The following PAQR6 variants were observed in gnomAD, a reference collection of about 807,000 sequenced individuals.
PAQR6 encodes progestin and adipoQ receptor family member 6.
A neutral mutation model predicts 36.2 loss-of-function variants in PAQR6; 34 were observed. The ratio of observed to expected loss-of-function variants is 0.94; its 90% confidence interval spans 0.71 to 1.25. The LOEUF (loss-of-function observed/expected upper bound fraction) is 1.25, where lower values mean the gene tolerates loss of function less well. Among genes scored for constraint, PAQR6 ranks in the 50% most tolerant of loss-of-function variants. The pLI is 0.00. For synonymous variants in PAQR6, 190 were observed against 190.7 expected (o/e 1.00, Z 0.03); for missense variants, 431 against 445.7 (o/e 0.97, Z 0.30).
chr1:156,246,742 TA>T lies in PAQR6; in HGVS notation c.-12del, dbSNP rs758104506. ...CTTGAGACTGAGCATGGTGGCCTGG[TA>T]CCTCCACGTTGACCTAGAGACAGAG... On this transcript the variant is annotated 5_prime_UTR_variant, in exon 2 of 8. Transcript: ENST00000292291. The T allele has an allele frequency of 6.2e-7, 1 of 1,613,532 alleles. No individual in the cohort carries two copies. The highest frequency in any genetic ancestry group is 8.5e-7 in the Non-Finnish European group (1 of 1,179,794).
Position 156,243,738 on chromosome 1 carries a change from A to T in PAQR6, c.*391T>A. 8.2e-7 allele frequency: 1 copy of T among 1,224,632 alleles called. No homozygotes were observed. Among genetic ancestry groups the T allele is most frequent in the Non-Finnish European group, 1.1e-6 (1 of 886,002 alleles). 75.9% of individuals were successfully genotyped at this position (1,224,632 alleles called of 1,614,324 possible). On this transcript the variant is annotated 3_prime_UTR_variant, in exon 8 of 8. Transcript: ENST00000292291. The stretch of plus-strand genomic sequence containing the variant: ...AGCAAGAAGCATTCAGGGTAGGCCT[A>T]GGTTAGTCGTGTTAGTTCTTCCCTG...
At position 156,245,995 on chromosome 1, in the gene PAQR6, G is replaced by C; in HGVS notation, c.180-8C>G. 4 of 1,557,526 alleles carry C rather than the reference G, an allele frequency of 2.6e-6. No individual in the cohort carries two copies. The highest frequency in any genetic ancestry group is 3.5e-6 in the Non-Finnish European group (4 of 1,154,334). On this transcript the variant is annotated splice_region_variant and splice_polypyrimidine_tract_variant and intron_variant, in intron 3 of 7. Transcript: ENST00000292291. The stretch of plus-strand genomic sequence containing the variant: ...AGCCGCCACAGGAAGTACCTGCGGC[G>C]GGCGCGTGCTCAGGCCGCCGCGGAC...
At position 156,243,386 on chromosome 1, in the gene PAQR6, G is replaced by A. The variant is rs4350194; in HGVS notation, c.*743C>T. ...GAGGTGTCAGGAGGATGGGGGTGAGGAGGTTTTACCTTCTTCAGTTCTAGA... is the reference window on the plus strand; with the variant it reads ...GAGGTGTCAGGAGGATGGGGGTGAGAAGGTTTTACCTTCTTCAGTTCTAGA... On this transcript the variant is annotated 3_prime_UTR_variant, in exon 8 of 8. Transcript: ENST00000292291. 1.4e-6 allele frequency: 1 copy of A among 699,634 alleles called. No homozygotes were observed. The highest frequency in any genetic ancestry group is 2.3e-6 in the Non-Finnish European group (1 of 440,928). 43.3% of individuals were successfully genotyped at this position (699,634 alleles called of 1,614,324 possible).
intron 7 of PAQR6, 135 bp downstream of exon 7, chr1:156,244,626 A>T: frequency 6.6e-7 from 1 of 1,523,844 alleles, no homozygotes; most frequent in Non-Finnish European, 8.8e-7. Flanking sequence ...TGCTCTCGTT[A>T]TAGGAAGACA....
In PAQR6 at chr1:156,245,704, G is replaced by A. The variant is rs1050066428; in HGVS notation, c.386-43C>T. On this transcript the variant is annotated intron_variant, in intron 4 of 7. Transcript: ENST00000292291. Reference sequence around the variant, plus strand: ...CGTGCAGCTGAGGCCTGAGGGGCGCGCCCCTATGTCCCGCGTCCCACCCCT... The same window carrying A: ...CGTGCAGCTGAGGCCTGAGGGGCGCACCCCTATGTCCCGCGTCCCACCCCT... 6 of 1,594,976 alleles carry A rather than the reference G, an allele frequency of 3.8e-6. No homozygotes were observed. In the Admixed American group the frequency reaches 7.1e-5, roughly 19 times the overall value.
chr1:156,244,209 T>C lies in PAQR6; in HGVS notation c.955A>G (p.Thr319Ala). Residue 319 changes from threonine (T) to alanine (A), a missense_variant, in exon 8 of 8, where the codon ACC (threonine) becomes GCC (alanine). Thr to Ala is a moderately conservative substitution (Grantham distance 58, BLOSUM62 0). Transcript: ENST00000292291. ...CATGTACTGGGGGCCCGAAGCAGGGTGGCTGTGAAAGCAGCAATAATGAGT... is the reference window on the plus strand; with the variant it reads ...CATGTACTGGGGGCCCGAAGCAGGGCGGCTGTGAAAGCAGCAATAATGAGT... Reference protein sequence around the residue: ...NLLIIAAFTATLLRAPSTCPL... With the variant: ...NLLIIAAFTAALLRAPSTCPL... 6.2e-7 allele frequency: 1 copy of C among 1,613,332 alleles called. No homozygotes were observed. Among genetic ancestry groups the C allele is most frequent in the Non-Finnish European group, 8.5e-7 (1 of 1,179,480 alleles).
At chr1:156,246,623 C>A in intron 2 of PAQR6, 58 bp downstream of exon 2, 2 of 1,566,098 alleles carry the variant, frequency 1.3e-6, no homozygotes, top group Non-Finnish European at 8.7e-7. Context: ...AGAACGTCAG[C>A]CCCTAGTCAG....
rs1660467593 is a variant in PAQR6 at position 156,246,266 on chromosome 1, G to A, written c.52-16C>T. On this transcript the variant is annotated splice_polypyrimidine_tract_variant and intron_variant, in intron 2 of 7. Transcript: ENST00000292291. ...CCCAGAACACCTAGGGTAGTGGTGG[G>A]AGAGGAAGGGCGTCACTGTGCCCGG... 6.3e-7 allele frequency: 1 copy of A among 1,598,426 alleles called. No individual in the cohort carries two copies. Among genetic ancestry groups the A allele is most frequent in the Non-Finnish European group, 8.6e-7 (1 of 1,167,764 alleles).
At position 156,244,785 on chromosome 1, in the gene PAQR6, C is replaced by T; in HGVS notation, c.736G>A (p.Ala246Thr). The part of the protein sequence containing the change: ...LFASHLPERL[A>T]PGRFDYIGHS... ...CCGATGTAATCAAAGCGTCCTGGTG[C>T]CAGCCTTTCAGGCAGGTGGGAGGCG... is the stretch of plus-strand genomic sequence containing the variant. The change falls in exon 7 of 8, where the codon GCA becomes ACA. Residue 246 changes from alanine to threonine, a missense_variant. Coordinates refer to ENST00000292291, the MANE Select transcript of PAQR6 (RefSeq NM_198406.3). The T allele has an allele frequency of 1.2e-6, 2 of 1,613,720 alleles. No homozygotes were observed. The highest frequency in any genetic ancestry group is 1.7e-6 in the Non-Finnish European group (2 of 1,180,028).
At position 156,245,987 on chromosome 1, in the gene PAQR6, C is replaced by T; in HGVS notation, c.180G>A (p.Trp60Ter). The change falls in exon 4 of 8, where the codon TGG becomes TGA. Residue 60 changes from tryptophan (W) to a stop codon, truncating the protein, a stop_gained and splice_region_variant. Coordinates refer to ENST00000292291, the MANE Select transcript of PAQR6 (RefSeq NM_198406.3). LOFTEE classifies it high-confidence loss of function. ...GCGCCAGGAGCCGCCACAGGAAGTA[C>T]CTGCGGCGGGCGCGTGCTCAGGCCG... Reference protein sequence around the residue: ...VNIWTHFLPTWYFLWRLLALA... With the variant: ...VNIWTHFLPT 1.1e-5 allele frequency: 17 copies of T among 1,556,238 alleles called. No homozygotes were observed. The highest frequency in any genetic ancestry group is 1.5e-5 in the Non-Finnish European group (17 of 1,152,870).
intron 7 of PAQR6, 144 bp downstream of exon 7, chr1:156,244,617 G>T: frequency 6.7e-7 from 1 of 1,495,392 alleles, no homozygotes. Flanking sequence ...TTCCAGTGAT[G>T]CTCTCGTTAT....
rs192668510 is a variant in PAQR6, at chr1:156,243,504, C to A, written c.*625G>T. 7.8e-4 allele frequency: 372 copies of A among 478,784 alleles called. 2 individuals carry two copies. In the East Asian group the frequency reaches 9.7e-3, roughly 13 times the overall value. The allele number at this position is 478,784 out of a possible 1,614,324, so 29.7% of individuals were successfully genotyped here. A position where few individuals can be genotyped will look rare whatever the true frequency, so the allele number is the denominator to read the frequency against. ...TCCCAAAGTCTAACTAGGGATACCC[C>A]CTCTAGCCTAGGACCCTCCTCCCCA... On this transcript the variant is annotated 3_prime_UTR_variant, in exon 8 of 8. Transcript: ENST00000292291.
At chr1:156,246,323 C>G (rs1216556107) in intron 2 of PAQR6, 73 bp from the exon 3 acceptor site, 1 of 1,402,108 alleles carries the variant, frequency 7.1e-7, no homozygotes, top group Non-Finnish European at 9.9e-7. Flanking sequence ...TCTCTGGAAG[C>G]AGGGTCAAAG....
At chr1:156,247,230 G>A (rs190746978) in intron 1 of PAQR6, among the ~76,000 whole-genome samples, 89 of 152,338 alleles carry the variant, frequency 5.8e-4, no homozygotes, top group African/African-American at 2.1e-3. Flanking sequence ...ATGCCATCAG[G>A]TGGGACAAGG....
Position 156,244,319 on chromosome 1 carries a change from CG to C in PAQR6, c.844del (p.Arg282AlafsTer153). 2 of 1,610,982 alleles carry C rather than the reference CG, an allele frequency of 1.2e-6. No individual in the cohort carries two copies. Among genetic ancestry groups the C allele is most frequent in the Admixed American group, 1.7e-5 (1 of 59,720 alleles). ...LEAVLADMGS[R>X]RAWLATQEPA... ...TTCCTGTGTGGCCAGCCAGGCTCTGCGTGATCCCATATCAGCCAGCACTGCC... is the reference window on the plus strand; with the variant it reads ...TTCCTGTGTGGCCAGCCAGGCTCTGCTGATCCCATATCAGCCAGCACTGCC... On this transcript the variant is annotated frameshift_variant, in exon 8 of 8. Coordinates refer to ENST00000292291, the MANE Select transcript of PAQR6 (RefSeq NM_198406.3). LOFTEE classifies it high-confidence loss of function.
rs1659633838 is a variant in PAQR6, at chr1:156,243,492, C to G, written c.*637G>C. 1 of 478,686 alleles carries G rather than the reference C, an allele frequency of 2.1e-6. No homozygotes were observed. The highest frequency in any genetic ancestry group is 1.9e-5 in the African/African-American group (1 of 51,964). 29.7% of individuals were successfully genotyped at this position (478,686 alleles called of 1,614,324 possible). On this transcript the variant is annotated 3_prime_UTR_variant, in exon 8 of 8. Transcript: ENST00000292291. ...TTGAAGGTGGCTTCCCAAAGTCTAA[C>G]TAGGGATACCCCCTCTAGCCTAGGA...
chr1:156,244,364 C>A lies in PAQR6; in HGVS notation c.800G>T (p.Gly267Val), dbSNP rs771678888. 2 of 1,570,434 alleles carry A rather than the reference C, an allele frequency of 1.3e-6. No individual in the cohort carries two copies. The highest frequency in any genetic ancestry group is 2.4e-5 in the East Asian group (1 of 42,374). ...CACTGCCTCCAGCTGGAAGTGGGTG[C>A]CCAGCACTGCACAGATGTGGAATAA... ...HQLFHICAVL[G>V]THFQLEAVLA... Residue 267 changes from glycine to valine, a missense_variant, in exon 8 of 8, where the codon GGC becomes GTC. By Grantham distance (109) the Gly-to-Val change is moderately radical. Coordinates refer to ENST00000292291, the MANE Select transcript of PAQR6 (RefSeq NM_198406.3).
At chr1:156,246,858 G>T in intron 1 of PAQR6, 102 bp from the exon 2 acceptor site, 3 of 963,524 alleles carry the variant, frequency 3.1e-6, no homozygotes, top group Non-Finnish European at 4.6e-6. Flanking sequence ...GTGGGAGGCA[G>T]ATGGCACCCT....
chr1:156,245,769 C>G lies in PAQR6; in HGVS notation c.385+13G>C, dbSNP rs770451331. On this transcript the variant is annotated intron_variant, in intron 4 of 7. Coordinates refer to ENST00000292291, the MANE Select transcript of PAQR6 (RefSeq NM_198406.3). Reference sequence around the variant, plus strand: ...ACGCCCAGACCCCGCGCTCCCGCGCCTGTCCGGCTCACCCAGACTGTAGAG... The same window carrying G: ...ACGCCCAGACCCCGCGCTCCCGCGCGTGTCCGGCTCACCCAGACTGTAGAG... 2.5e-6 allele frequency: 4 copies of G among 1,582,208 alleles called. No individual in the cohort carries two copies. The African/African-American group carries it at 5.4e-5, about 21-fold the overall frequency.
Sources: gnomAD v4.1 joint callset for allele counts (sites outside exome capture counted in the v4.1 genomes callset) on GRCh38, gnomAD v4.1.1 for gene constraint, MANE v1.5 for transcripts, NCBI Gene and HGNC (gene_info 2026-07-23, HGNC 2026-07-21) for gene names.